FBXO31: variants seen among roughly 807,000 people sequenced by gnomAD.
FBXO31 encodes F-box only protein 31.
A neutral mutation model predicts 54.4 loss-of-function variants in FBXO31; 24 were observed. The observed-to-expected ratio is 0.44, with a 90% CI of 0.32 to 0.62. FBXO31 has a LOEUF of 0.62. Ranked by LOEUF, FBXO31 falls within the 20% of genes least tolerant of loss-of-function variation. The pLI is 0.05. For missense variants in FBXO31, 665 were observed against 787.1 expected (o/e 0.84, Z 1.86); for synonymous variants, 388 against 335.6 (o/e 1.16, Z -1.71).
At position 87,383,444 on chromosome 16, in the gene FBXO31, G is replaced by A. The variant is rs756956767; in HGVS notation, c.301C>T (p.Leu101Phe). ...AQVCTKFRRI[L>F]HTDTIWRRRC... is the part of the protein sequence containing the mutation. ...CTCCTCCAGATGGTGTCGGTGTGGA[G>A]GATGCGCCGGAACTTCGTGCAGACC... Residue 101 changes from leucine to phenylalanine, a missense_variant, in exon 1 of 9, where the codon CTC (leucine) becomes TTC (phenylalanine). Leu to Phe is a conservative substitution (Grantham distance 22). Around this residue, in one of 4 missense-constraint regions of FBXO31, gnomAD observed 195 missense variants for 174.8 expected, o/e 1.12. Transcript: ENST00000311635. This position sits in a 1 kb window ranked among gnomAD's most constrained non-coding sequence, Gnocchi z 4.9. The A allele has an allele frequency of 6.3e-7, 1 of 1,587,338 alleles. No individual in the cohort carries two copies. Among genetic ancestry groups the A allele is most frequent in the South Asian group, 1.1e-5 (1 of 87,250 alleles).
intron 2 of FBXO31, among the ~76,000 whole-genome samples, chr16:87,350,615 G>T (rs981690993): frequency 6.6e-6 from 1 of 152,172 alleles, no homozygotes; most frequent in Non-Finnish European, 1.5e-5. Context: ...TCCACAGATG[G>T]CTGCAGGGAT....
chr16:87,341,293 T>C (rs1359357626), intron 5 of FBXO31, among the ~76,000 whole-genome samples: 1 of 152,240 alleles, frequency 6.6e-6, no homozygotes, highest in African/African-American at 2.4e-5. Flanking sequence ...AATATGGTTT[T>C]CTTTTTTAAG....
At position 87,336,600 on chromosome 16, in the gene FBXO31, T is replaced by G. The variant is rs1905052515; in HGVS notation, c.733-336A>C. 6.6e-6 allele frequency among the ~76,000 whole-genome samples: 1 copy of G among 151,252 alleles called. No homozygotes were observed. Among genetic ancestry groups the G allele is most frequent in the African/African-American group, 2.4e-5 (1 of 41,094 alleles). On this transcript the variant is annotated intron_variant, in intron 5 of 8. Coordinates refer to ENST00000311635, the MANE Select transcript of FBXO31 (RefSeq NM_024735.5). This position sits in a 1 kb window ranked among gnomAD's most constrained non-coding sequence, Gnocchi z 6.5. ...TGGGCCTCCCTTCCATGCCCACCGGTGGGGCAGGAACAGCATCTACACAGA... is the reference window on the plus strand; with the variant it reads ...TGGGCCTCCCTTCCATGCCCACCGGGGGGGCAGGAACAGCATCTACACAGA...
intron 1 of FBXO31, among the ~76,000 whole-genome samples, chr16:87,373,171 G>T (rs1043090558): frequency 6.6e-6 from 1 of 151,318 alleles, no homozygotes; most frequent in African/African-American, 2.4e-5. Flanking sequence ...CCTGAAGCTG[G>T]CCGGGCACAG....
At chr16:87,359,663 T>C (rs895332588) in intron 2 of FBXO31, among the ~76,000 whole-genome samples, 3 of 152,208 alleles carry the variant, frequency 2.0e-5, no homozygotes, top group African/African-American at 7.2e-5. Context: ...AGAAACCCTC[T>C]GACCATCCAA....
chr16:87,388,529 G>GGAGGCCT (rs1427072693), upstream of FBXO31, among the ~76,000 whole-genome samples: 1 of 152,240 alleles, frequency 6.6e-6, no homozygotes, highest in African/African-American at 2.4e-5. Context: ...GAGAGGCCGA[G>GGAGGCCT]GAGGCCTGAG....
intron 5 of FBXO31, among the ~76,000 whole-genome samples, chr16:87,337,062 G>A (rs1478650410): frequency 1.3e-5 from 2 of 152,162 alleles, no homozygotes; most frequent in Non-Finnish European, 2.9e-5. Flanking sequence ...ACTCCGACAA[G>A]AAACAGAAAT....
intron 4 of FBXO31, 46 bp downstream of exon 4, chr16:87,343,552 G>A: frequency 6.4e-7 from 1 of 1,555,766 alleles, no homozygotes; most frequent in Non-Finnish European, 8.7e-7. Flanking sequence ...AGCCCACACA[G>A]GACAGCCCTG....
chr16:87,385,555 T>C (rs554989062), upstream of FBXO31, among the ~76,000 whole-genome samples: 4 of 151,980 alleles, frequency 2.6e-5, no homozygotes, highest in Non-Finnish European at 5.9e-5. Flanking sequence ...ACATAAATTA[T>C]AAATTGTAAT....
intron 1 of FBXO31, among the ~76,000 whole-genome samples, chr16:87,378,800 A>G (rs1906942749): frequency 6.6e-6 from 1 of 152,066 alleles, no homozygotes; most frequent in Admixed American, 6.6e-5. Context: ...TCTCTACTAA[A>G]AAGACAAAAA....
Position 87,383,384 on chromosome 16 carries a change from C to G in FBXO31, c.340+21G>C, listed in dbSNP as rs776909621. On this transcript the variant is annotated intron_variant, in intron 1 of 8. Coordinates refer to ENST00000311635, the MANE Select transcript of FBXO31 (RefSeq NM_024735.5). This position sits in a 1 kb window ranked among gnomAD's most constrained non-coding sequence, Gnocchi z 4.9. ...CAGGGACCCCCCGCCCCTCCCGGCC[C>G]CGCCACCCCCGCGCGCTCACCCTCA... is the stretch of plus-strand genomic sequence containing the variant. The G allele has an allele frequency of 7.9e-6, 12 of 1,520,100 alleles. No individual in the cohort carries two copies. Among genetic ancestry groups the G allele is most frequent in the Non-Finnish European group, 1.1e-5 (12 of 1,132,490 alleles). 94.2% of individuals were successfully genotyped at this position (1,520,100 alleles called of 1,614,324 possible).
Position 87,331,289 on chromosome 16 carries a change from CAGG to C in FBXO31, c.1616_1618del (p.Ser539del), listed in dbSNP as rs1202877748. The C allele has an allele frequency of 6.2e-7, 1 of 1,612,878 alleles. No individual in the cohort carries two copies. The highest frequency in any genetic ancestry group is 1.1e-5 in the South Asian group (1 of 90,986). ...ATGTGGCGGCAAGGATGTGGCCGGT[CAGG>C]AGGTGAGGGACTGAATGTTCTTGAG... On this transcript the variant is annotated inframe_deletion, in exon 9 of 9. Coordinates refer to ENST00000311635, the MANE Select transcript of FBXO31 (RefSeq NM_024735.5).
At chr16:87,388,113 G>A (rs139479773), upstream of FBXO31, among the ~76,000 whole-genome samples, 509 of 152,294 alleles carry the variant, frequency 3.3e-3, 4 homozygotes, top group Middle Eastern at 0.014. Context: ...ACCTCAGCCC[G>A]TTCCACCTGG....
intron 3 of FBXO31, 32 bp downstream of exon 3, chr16:87,347,142 C>A: frequency 1.9e-6 from 3 of 1,602,632 alleles, no homozygotes; most frequent in Non-Finnish European, 2.6e-6. Flanking sequence ...CCTGCCCGTG[C>A]ACAGACCTCG....
chr16:87,382,204 G>A (rs1179085031), intron 1 of FBXO31, among the ~76,000 whole-genome samples: 1 of 152,210 alleles, frequency 6.6e-6, no homozygotes, highest in Non-Finnish European at 1.5e-5. Context: ...CTACATGCAG[G>A]GAGTGAAATA....
At chr16:87,339,033 C>CGCCTTCCACCATGATTTGAG (rs1905115538) in intron 5 of FBXO31, among the ~76,000 whole-genome samples, 1 of 152,232 alleles carries the variant, frequency 6.6e-6, no homozygotes, top group Admixed American at 6.5e-5. Context: ...ATGCGCCTTT[C>CGCCTTCCACCATGATTTGAG]GCCTTCCACC....
intron 2 of FBXO31, among the ~76,000 whole-genome samples, chr16:87,349,465 C>G (rs1420772526): frequency 2.6e-5 from 4 of 152,282 alleles, no homozygotes; most frequent in Admixed American, 2.6e-4. Flanking sequence ...GCCTGTAATC[C>G]CAGTACTTTG....
At chr16:87,366,159 A>G (rs1906360104) in intron 1 of FBXO31, among the ~76,000 whole-genome samples, 1 of 152,188 alleles carries the variant, frequency 6.6e-6, no homozygotes, top group South Asian at 2.1e-4. Context: ...GGATTCTGGG[A>G]GAAGAAAAGG....
chr16:87,364,837 C>T (rs1191261888), intron 1 of FBXO31, among the ~76,000 whole-genome samples: 1 of 150,802 alleles, frequency 6.6e-6, no homozygotes, highest in Non-Finnish European at 1.5e-5. Context: ...GCCTGGGCAA[C>T]ATGGCGAGAG....
Sources: allele counts gnomAD v4.1 joint callset (sites outside exome capture counted in the v4.1 genomes callset), GRCh38; gene constraint gnomAD v4.1.1; regional missense constraint gnomAD v4.1.1; non-coding constraint Gnocchi (gnomAD v3.1); transcripts MANE v1.5; gene names NCBI Gene and HGNC (gene_info 2026-07-23, HGNC 2026-07-21).